SARNP: variants seen among roughly 807,000 people sequenced by gnomAD.
SARNP encodes SAP domain containing ribonucleoprotein.
A neutral mutation model predicts 38.1 loss-of-function variants in SARNP; 5 were observed. That is an observed-to-expected ratio of 0.13 (90% CI 0.07 to 0.28). SARNP has a LOEUF of 0.28. Ranked by LOEUF, SARNP falls within the 10% of genes least tolerant of loss-of-function variation. The pLI is 1.00. For synonymous variants in SARNP, 84 were observed against 80.6 expected, an observed-to-expected ratio of 1.04 and a Z score of -0.23; for missense variants, 180 against 243.9, an observed-to-expected ratio of 0.74 and a Z score of 1.75.
chr12:55,814,855 C>T (rs1248599999), intron 1 of SARNP, among the ~76,000 whole-genome samples: 2 of 148,946 alleles, frequency 1.3e-5, no homozygotes, highest in East Asian at 3.9e-4. Context: ...GGCGACAGAG[C>T]GAGACTCCAT....
In SARNP at chr12:55,758,651, A is replaced by G. The variant is rs185160833; in HGVS notation, c.592-1098T>C. Among the ~76,000 whole-genome samples, 336 of 152,216 alleles carry G rather than the reference A, an allele frequency of 2.2e-3. 1 individual carries two copies. The highest frequency in any genetic ancestry group is 7.7e-3 in the African/African-American group (320 of 41,506). On this transcript the variant is annotated intron_variant, in intron 10 of 10. Coordinates refer to ENST00000336133, the MANE Select transcript of SARNP (RefSeq NM_033082.4). ...CAGAGCGAGACTCCATCTCAAAAAA[A>G]AAAAGAAGCTTTTCATAAAGCATCA...
chr12:55,767,287 G>A (rs1012376766), intron 9 of SARNP, among the ~76,000 whole-genome samples: 1 of 152,028 alleles, frequency 6.6e-6, no homozygotes, highest in African/African-American at 2.4e-5. Flanking sequence ...GTTCACACAT[G>A]CCATCCCAAG....
At position 55,807,088 on chromosome 12, in the gene SARNP, C is replaced by G. The variant is rs996726560; in HGVS notation, c.37-3360G>C. Among the ~76,000 whole-genome samples, 20 of 152,248 alleles carry G rather than the reference C, an allele frequency of 1.3e-4. No individual in the cohort carries two copies. The Middle Eastern group carries it at 0.014, about 104-fold the overall frequency. On this transcript the variant is annotated intron_variant, in intron 1 of 10. Coordinates refer to ENST00000336133, the MANE Select transcript of SARNP (RefSeq NM_033082.4). ...CAGGTACACACCACTGTGCCCAGCT[C>G]AATGTACTTTTAAATAGGTAGGCTG...
intron 9 of SARNP, among the ~76,000 whole-genome samples, chr12:55,764,893 T>C (rs1275201380): frequency 2.0e-5 from 3 of 151,772 alleles, no homozygotes; most frequent in Admixed American, 6.6e-5. Flanking sequence ...CCACATTTTT[T>C]ACTAACAAAG....
intron 9 of SARNP, among the ~76,000 whole-genome samples, chr12:55,774,384 C>G (rs1879099531): frequency 1.3e-5 from 2 of 151,782 alleles, no homozygotes; most frequent in African/African-American, 4.8e-5. Context: ...ACTGACTCCT[C>G]TATACCCCAA....
At chr12:55,780,401 C>T (rs1879309501) in intron 9 of SARNP, among the ~76,000 whole-genome samples, 1 of 152,008 alleles carries the variant, frequency 6.6e-6, no homozygotes, top group African/African-American at 2.4e-5. Context: ...TTGCAGTGAG[C>T]TCAGATTGCG....
chr12:55,805,386 A>G (rs76399179), intron 1 of SARNP, among the ~76,000 whole-genome samples: 2,775 of 152,314 alleles, frequency 0.018, 42 homozygotes, highest in Non-Finnish European at 0.032. Context: ...AGCAACCTCT[A>G]CTGAGGAACA....
At chr12:55,809,669 G>GGAGGTTGA (rs1324635406) in intron 1 of SARNP, among the ~76,000 whole-genome samples, 1 of 151,712 alleles carries the variant, frequency 6.6e-6, no homozygotes, top group Non-Finnish European at 1.5e-5. Flanking sequence ...CTTGAGTCCA[G>GGAGGTTGA]GAGGTTGAGG....
At chr12:55,808,379 C>T (rs1388074941) in intron 1 of SARNP, among the ~76,000 whole-genome samples, 1 of 151,588 alleles carries the variant, frequency 6.6e-6, no homozygotes, top group Non-Finnish European at 1.5e-5. Context: ...AGTGCAATGG[C>T]GTGATCTTGG....
intron 1 of SARNP, among the ~76,000 whole-genome samples, chr12:55,806,791 G>A (rs765198726): frequency 6.6e-6 from 1 of 152,096 alleles, no homozygotes; most frequent in Non-Finnish European, 1.5e-5. Flanking sequence ...ACCTGCCTCC[G>A]CCTCCCAAAG....
At chr12:55,805,047 A>C (rs1013230679) in intron 1 of SARNP, among the ~76,000 whole-genome samples, 6 of 149,064 alleles carry the variant, frequency 4.0e-5, no homozygotes, top group African/African-American at 1.5e-4. Context: ...GTGGATCACA[A>C]GGTTAGAAGA....
chr12:55,774,575 C>CAAAAAAAAAAAAAAAAAAAAAAAAAAA (rs1187594580), intron 9 of SARNP, among the ~76,000 whole-genome samples: 1 of 41,216 alleles, frequency 2.4e-5, no homozygotes, highest in African/African-American at 1.3e-4. Context: ...AAAAAAAAAA[C>CAAAAAAAAAAAAAAAAAAAAAAAAAAA]AAACAAAAAA....
At chr12:55,814,975 C>G (rs1880439520) in intron 1 of SARNP, among the ~76,000 whole-genome samples, 1 of 152,296 alleles carries the variant, frequency 6.6e-6, no homozygotes, top group South Asian at 2.1e-4. Context: ...ATGTTTCCTT[C>G]CTGCTTCAAA....
chr12:55,780,489 GAGAAAAGAAA>G lies in SARNP; in HGVS notation c.501+8576_501+8585del, dbSNP rs534184430. Among the ~76,000 whole-genome samples, 381 of 151,152 alleles carry G rather than the reference GAGAAAAGAAA, an allele frequency of 2.5e-3. 6 individuals are homozygous for G. The highest frequency in any genetic ancestry group is 1.3e-3 in the Non-Finnish European group (88 of 67,698). On this transcript the variant is annotated intron_variant, in intron 9 of 10. Transcript: ENST00000336133. ...AGAAAGAAAAGAGAAGAGAAGAGAA[GAGAAAAGAAA>G]AGAAAAGAAAAGAAAGAAAGATTAG...
chr12:55,774,883 GTT>G (rs367957447), intron 9 of SARNP, among the ~76,000 whole-genome samples: 3 of 110,726 alleles, frequency 2.7e-5, no homozygotes, highest in Non-Finnish European at 5.5e-5. Flanking sequence ...ATTTCTATTT[GTT>G]TTTTTTTTTT....
chr12:55,800,132 G>A lies in SARNP; in HGVS notation c.251+430C>T, dbSNP rs970137359. ...CTTGAGCCTGGGAAGCAGAAGTTAC[G>A]GTGAGCCAAGATCACGCCACTGCAC... On this transcript the variant is annotated intron_variant, in intron 4 of 10. Coordinates refer to ENST00000336133, the MANE Select transcript of SARNP (RefSeq NM_033082.4). 2.6e-5 allele frequency among the ~76,000 whole-genome samples: 4 copies of A among 151,880 alleles called. No homozygotes were observed. The South Asian group carries it at 6.3e-4, about 24-fold the overall frequency.
chr12:55,772,757 C>T (rs1879046174), intron 9 of SARNP, among the ~76,000 whole-genome samples: 1 of 150,584 alleles, frequency 6.6e-6, no homozygotes, highest in Admixed American at 6.6e-5. Context: ...TCTTTCTGCC[C>T]AGGATGGAGT....
chr12:55,760,710 A>T, intron 9 of SARNP, 70 bp from the exon 10 acceptor site: 1 of 1,063,930 alleles, frequency 9.4e-7, no homozygotes, highest in Non-Finnish European at 1.5e-6. Flanking sequence ...GAATGAAATG[A>T]TAACTTATTG....
At chr12:55,816,595 A>G (rs1274775965) in intron 1 of SARNP, among the ~76,000 whole-genome samples, 1 of 152,048 alleles carries the variant, frequency 6.6e-6, no homozygotes, top group Non-Finnish European at 1.5e-5. Flanking sequence ...TAACAGCAAC[A>G]AAAACAAAAA....
Sources: allele counts gnomAD v4.1 joint callset (sites outside exome capture counted in the v4.1 genomes callset), GRCh38; gene constraint gnomAD v4.1.1; transcripts MANE v1.5; gene names NCBI Gene and HGNC (gene_info 2026-07-23, HGNC 2026-07-21).